The following ZNF775 variants were observed in gnomAD, a reference collection of about 807,000 sequenced individuals.
ZNF775 encodes zinc finger protein 775.
Under a neutral mutation model 2.4 loss-of-function variants are expected in ZNF775, and 1 was observed. The observed-to-expected ratio is 0.41, with a 90% CI of 0.15 to 1.94. ZNF775 has a LOEUF of 1.94. Ranked by LOEUF, ZNF775 falls within the 30% of genes most tolerant of loss-of-function variation. ZNF775 has a pLI of 0.30. For synonymous variants in ZNF775, 381 were observed against 373.3 expected (o/e 1.02, Z -0.24); for missense variants, 823 against 826.6 (o/e 1.00, Z 0.05).
In ZNF775 at chr7:150,385,028, C is replaced by T. The variant is rs373730277; in HGVS notation, c.-49-3394C>T. ...GCTTCTCTGTCCACTAGCCCCTCTGCGCCTCTTCAGGTGGATGTTAAGTCC... is the reference window on the plus strand; with the variant it reads ...GCTTCTCTGTCCACTAGCCCCTCTGTGCCTCTTCAGGTGGATGTTAAGTCC... On this transcript the variant is annotated intron_variant, in intron 1 of 2. Coordinates refer to ENST00000329630, the MANE Select transcript of ZNF775 (RefSeq NM_173680.4). 3.3e-5 allele frequency among the ~76,000 whole-genome samples: 5 copies of T among 152,286 alleles called. No individual in the cohort carries two copies. The South Asian group carries it at 6.2e-4, about 19-fold the overall frequency.
At chr7:150,393,650 C>A (rs1289645241) in intron 2 of ZNF775, among the ~76,000 whole-genome samples, 1 of 152,132 alleles carries the variant, frequency 6.6e-6, no homozygotes, top group East Asian at 1.9e-4. Flanking sequence ...TGGATTCTAG[C>A]CACTCTCATT....
rs747202943 is a variant in ZNF775, at chr7:150,397,131, G to C, written c.650G>C (p.Arg217Pro). The change falls in exon 3 of 3, where the codon CGC becomes CCC. Residue 217 changes from arginine (R) to proline (P), a missense_variant. By Grantham distance (103) the Arg-to-Pro change is moderately radical (BLOSUM62 -2). Coordinates refer to ENST00000329630, the MANE Select transcript of ZNF775 (RefSeq NM_173680.4). The part of the protein sequence containing the change: ...RIHQRAHARD[R>P]QGSRAGLHEL... Reference sequence around the variant, plus strand: ...CACCAGCGCGCGCACGCCCGGGACCGCCAGGGCTCCCGCGCCGGCCTGCAC... The same window carrying C: ...CACCAGCGCGCGCACGCCCGGGACCCCCAGGGCTCCCGCGCCGGCCTGCAC... 16 of 1,508,324 alleles carry C rather than the reference G, an allele frequency of 1.1e-5. No homozygotes were observed. The highest frequency in any genetic ancestry group is 8.5e-5 in the African/African-American group (6 of 70,432). The allele number at this position is 1,508,324 out of a possible 1,614,324, so 93.4% of individuals were successfully genotyped here. A position where few individuals can be genotyped will look rare whatever the true frequency, so the allele number is the denominator to read the frequency against.
intron 1 of ZNF775, among the ~76,000 whole-genome samples, chr7:150,380,846 C>T (rs937696769): frequency 2.6e-5 from 4 of 152,198 alleles, no homozygotes; most frequent in Non-Finnish European, 5.9e-5. Flanking sequence ...TCAGGTTGCA[C>T]ATTTACTTCT....
rs370555977 is a variant in ZNF775, at chr7:150,396,924, C to T, written c.443C>T (p.Pro148Leu). 3.1e-6 allele frequency: 5 copies of T among 1,601,708 alleles called. No individual in the cohort carries two copies. In the African/African-American group the frequency reaches 5.3e-5, roughly 17 times the overall value. ...GKCGKSFSQKPNLARHQRHHT... is the reference protein window; with the variant it reads ...GKCGKSFSQKLNLARHQRHHT... ...TGCGGCAAGAGCTTCAGCCAGAAGCCGAACCTGGCGCGCCACCAGCGGCAC... is the reference window on the plus strand; with the variant it reads ...TGCGGCAAGAGCTTCAGCCAGAAGCTGAACCTGGCGCGCCACCAGCGGCAC... Residue 148 changes from proline (P) to leucine (L), a missense_variant, in exon 3 of 3, where the codon CCG becomes CTG. Coordinates refer to ENST00000329630, the MANE Select transcript of ZNF775 (RefSeq NM_173680.4).
At chr7:150,388,541 C>G in intron 2 of ZNF775, 40 bp downstream of exon 2, 5 of 1,551,394 alleles carry the variant, frequency 3.2e-6, no homozygotes, top group Non-Finnish European at 3.5e-6. Flanking sequence ...GCGGGGTCTC[C>G]TCTGCTGAGG....
At position 150,388,510 on chromosome 7, in the gene ZNF775, G is replaced by A; in HGVS notation, c.31+9G>A. On this transcript the variant is annotated intron_variant, in intron 2 of 2. Coordinates refer to ENST00000329630, the MANE Select transcript of ZNF775 (RefSeq NM_173680.4). ...GGCTGGCAACGGCACAGGTAAGAGA[G>A]AAGAAAGAGGAGGCAGGGGAGCGGG... The A allele has an allele frequency of 6.4e-7, 1 of 1,551,872 alleles. No homozygotes were observed. Among genetic ancestry groups the A allele is most frequent in the Non-Finnish European group, 8.7e-7 (1 of 1,147,068 alleles).
rs1021499489 is a variant in ZNF775 at position 150,398,383 on chromosome 7, G to A, written c.*288G>A. ...CCCAGGCTTCAAGCACCGAGTGAGG[G>A]GTCTGTTGGGGACGCTGGGAGAGTC... On this transcript the variant is annotated 3_prime_UTR_variant, in exon 3 of 3. Coordinates refer to ENST00000329630, the MANE Select transcript of ZNF775 (RefSeq NM_173680.4). 6 of 510,542 alleles carry A rather than the reference G, an allele frequency of 1.2e-5. No individual in the cohort carries two copies. Among genetic ancestry groups the A allele is most frequent in the African/African-American group, 2.0e-5 (1 of 50,440 alleles). The allele number at this position is 510,542 out of a possible 1,614,324, so 31.6% of individuals were successfully genotyped here. A position where few individuals can be genotyped will look rare whatever the true frequency, so the allele number is the denominator to read the frequency against.
Position 150,393,256 on chromosome 7 carries a change from G to A in ZNF775, c.32-3257G>A, listed in dbSNP as rs140953065. 3.2e-3 allele frequency among the ~76,000 whole-genome samples: 489 copies of A among 152,192 alleles called. 5 individuals carry two copies. The highest frequency in any genetic ancestry group is 5.1e-3 in the Non-Finnish European group (349 of 68,018). On this transcript the variant is annotated intron_variant, in intron 2 of 2. Coordinates refer to ENST00000329630, the MANE Select transcript of ZNF775 (RefSeq NM_173680.4). ...ACAGTGTGTAGCCTTTTATGTTGAC[G>A]TCTTTCACCTAGAAGTTTGCATGTA...
At chr7:150,387,280 A>T (rs1800468834) in intron 1 of ZNF775, among the ~76,000 whole-genome samples, 1 of 136,278 alleles carries the variant, frequency 7.3e-6, no homozygotes. Flanking sequence ...TGGGCAACAG[A>T]GGAAGACTCT....
Position 150,396,748 on chromosome 7 carries a change from CG to C in ZNF775, c.270del (p.Ser91GlnfsTer6). ...QDAGLAGRAP[G>X]SASGPLSPSL... ...ATGCGGGGCTGGCAGGCCGGGCTCC[CG>C]GGTCAGCCTCCGGCCCCCTGAGCCC... On this transcript the variant is annotated frameshift_variant, in exon 3 of 3. Transcript: ENST00000329630. LOFTEE classifies it low-confidence loss of function (END_TRUNC). 6.3e-7 allele frequency: 1 copy of C among 1,588,588 alleles called. No homozygotes were observed. The highest frequency in any genetic ancestry group is 8.6e-7 in the Non-Finnish European group (1 of 1,168,164).
chr7:150,397,215 G>A lies in ZNF775; in HGVS notation c.734G>A (p.Arg245Gln). 2 of 1,112,592 alleles carry A rather than the reference G, an allele frequency of 1.8e-6. No individual in the cohort carries two copies. The highest frequency in any genetic ancestry group is 2.2e-6 in the Non-Finnish European group (2 of 912,750). The allele number at this position is 1,112,592 out of a possible 1,614,324, so 68.9% of individuals were successfully genotyped here. A position where few individuals can be genotyped will look rare whatever the true frequency, so the allele number is the denominator to read the frequency against. ...RACRLQPGPP[R>Q]GRPEWAWLGL... ...TGTCGCCTGCAGCCGGGGCCGCCGC[G>A]GGGGCGCCCCGAGTGGGCCTGGCTG... The change falls in exon 3 of 3, where the codon CGG becomes CAG. Residue 245 changes from arginine to glutamine, a missense_variant. Arg to Gln is a conservative substitution (Grantham distance 43). Coordinates refer to ENST00000329630, the MANE Select transcript of ZNF775 (RefSeq NM_173680.4).
chr7:150,383,484 C>T (rs951033039), intron 1 of ZNF775, among the ~76,000 whole-genome samples: 3 of 152,162 alleles, frequency 2.0e-5, no homozygotes, highest in South Asian at 2.1e-4. Flanking sequence ...ACATAGCAGT[C>T]AGGTATGGGC....
chr7:150,396,665 G>C lies in ZNF775; in HGVS notation c.184G>C (p.Ala62Pro), dbSNP rs961524242. ...ACGCCAGACCATGGGGCGGCCTCGAGCCCTGGGGGGACAGGAGGAGTCTGG... is the reference window on the plus strand; with the variant it reads ...ACGCCAGACCATGGGGCGGCCTCGACCCCTGGGGGGACAGGAGGAGTCTGG... ...PPRQTMGRPR[A>P]LGGQEESGSP... The change falls in exon 3 of 3, where the codon GCC becomes CCC. Residue 62 changes from alanine (A) to proline (P), a missense_variant. Ala to Pro is a conservative substitution (Grantham distance 27). Transcript: ENST00000329630. The C allele has an allele frequency of 6.2e-7, 1 of 1,610,418 alleles. No homozygotes were observed. The highest frequency in any genetic ancestry group is 1.1e-5 in the South Asian group (1 of 90,474).
intron 1 of ZNF775, among the ~76,000 whole-genome samples, chr7:150,386,813 A>G (rs1800461828): frequency 6.6e-6 from 1 of 152,198 alleles, no homozygotes; most frequent in Non-Finnish European, 1.5e-5. Context: ...GCAGGGCAGC[A>G]CATTCCTGCC....
chr7:150,386,839 G>A (rs942131506), intron 1 of ZNF775, among the ~76,000 whole-genome samples: 7 of 152,194 alleles, frequency 4.6e-5, no homozygotes, highest in East Asian at 3.8e-4. Context: ...CATTTGTTAC[G>A]GGCCCTCTGT....
chr7:150,387,739 G>A (rs975447596), intron 1 of ZNF775, among the ~76,000 whole-genome samples: 5 of 151,984 alleles, frequency 3.3e-5, no homozygotes, highest in African/African-American at 1.2e-4. Context: ...GAACCTGGGA[G>A]GCGGAGCTTG....
In ZNF775 at chr7:150,396,693, G is replaced by A. The variant is rs1563260421; in HGVS notation, c.212G>A (p.Ser71Asn). 1 of 1,605,856 alleles carries A rather than the reference G, an allele frequency of 6.2e-7. No homozygotes were observed. Among genetic ancestry groups the A allele is most frequent in the African/African-American group, 1.3e-5 (1 of 75,008 alleles). ...CTGGGGGGACAGGAGGAGTCTGGGA[G>A]TCCAAGGTGGGCCCCTCCCACTGAG... ...RALGGQEESG[S>N]PRWAPPTEQD... Residue 71 changes from serine to asparagine, a missense_variant, in exon 3 of 3, where the codon AGT (serine) becomes AAT (asparagine). Physicochemically the swap from Ser to Asn is conservative, Grantham distance 46. Transcript: ENST00000329630.
Position 150,397,439 on chromosome 7 carries a change from C to G in ZNF775, c.958C>G (p.Gln320Glu), listed in dbSNP as rs1235720283. ...ACPECGRRFS[Q>E]KPNLTRHLRN... is the part of the protein sequence containing the mutation. ...CCCCGAGTGCGGCCGCCGCTTCAGC[C>G]AGAAGCCCAACTTGACGCGGCACCT... The change falls in exon 3 of 3, where the codon CAG becomes GAG. Residue 320 changes from glutamine to glutamate, a missense_variant. Transcript: ENST00000329630. The G allele has an allele frequency of 1.4e-5, 22 of 1,595,418 alleles. No homozygotes were observed. The Admixed American group carries it at 3.2e-4, about 23-fold the overall frequency.
chr7:150,392,677 G>T (rs1006300397), intron 2 of ZNF775, among the ~76,000 whole-genome samples: 3 of 151,862 alleles, frequency 2.0e-5, no homozygotes, highest in African/African-American at 7.3e-5. Flanking sequence ...GGGACTACAG[G>T]TGTGCACCAC....
Sources: gnomAD v4.1 joint callset for allele counts (sites outside exome capture counted in the v4.1 genomes callset) on GRCh38, gnomAD v4.1.1 for gene constraint, MANE v1.5 for transcripts, NCBI Gene and HGNC (gene_info 2026-07-23, HGNC 2026-07-21) for gene names.